RUNX2: variants seen among roughly 807,000 people sequenced by gnomAD.
RUNX2 encodes runt-related transcription factor 2.
RUNX2 carries 10 observed loss-of-function variants against 51.7 expected under a neutral mutation model. The ratio of observed to expected loss-of-function variants is 0.19; its 90% CI spans 0.12 to 0.33. RUNX2 has a LOEUF of 0.33. RUNX2 is among the 10% of genes least tolerant of loss of function. The pLI is 1.00. For missense variants in RUNX2, 562 were observed against 691.3 expected (o/e 0.81, Z 2.10); for synonymous variants, 276 against 273.6 (o/e 1.01, Z -0.09).
chr6:45,481,991 GCAGA>G (rs1431115752), intron 5 of RUNX2, among the ~76,000 whole-genome samples: 2 of 152,190 alleles, frequency 1.3e-5, no homozygotes, highest in African/African-American at 4.8e-5. Flanking sequence ...GAAACAACAG[GCAGA>G]CAAATTTGAG....
chr6:45,462,509 G>C (rs988870251), intron 5 of RUNX2, among the ~76,000 whole-genome samples: 1 of 152,166 alleles, frequency 6.6e-6, no homozygotes, highest in Non-Finnish European at 1.5e-5. Context: ...CAAACCTTAA[G>C]CATGAAATAA....
chr6:45,528,542 A>C (rs1801742722), intron 7 of RUNX2, among the ~76,000 whole-genome samples: 1 of 152,070 alleles, frequency 6.6e-6, no homozygotes, highest in South Asian at 2.1e-4. Flanking sequence ...AATTGTGTGA[A>C]TCCAGGAGGC....
chr6:45,334,315 T>C (rs1788104814), intron 2 of RUNX2, among the ~76,000 whole-genome samples: 2 of 151,178 alleles, frequency 1.3e-5, no homozygotes, highest in Middle Eastern at 3.5e-3. Context: ...ATTTACATAA[T>C]AGACTAAGTT....
At chr6:45,421,375 C>T (rs1447185746) in intron 2 of RUNX2, 1 of 151,918 alleles carries the variant, frequency 6.6e-6, no homozygotes, top group African/African-American at 2.4e-5. Context: ...TTCCTAAAAA[C>T]TATTTTGACT....
chr6:45,333,155 T>C (rs1286286896), intron 2 of RUNX2, among the ~76,000 whole-genome samples: 1 of 151,730 alleles, frequency 6.6e-6, no homozygotes, highest in Non-Finnish European at 1.5e-5. Context: ...TAATGAAATT[T>C]TATGCCTTAA....
At chr6:45,375,642 CA>C (rs1311858231) in intron 2 of RUNX2, among the ~76,000 whole-genome samples, 1 of 152,054 alleles carries the variant, frequency 6.6e-6, no homozygotes, top group Non-Finnish European at 1.5e-5. Flanking sequence ...CTCCTAGGTT[CA>C]AGAGATCCTC....
intron 6 of RUNX2, among the ~76,000 whole-genome samples, chr6:45,504,776 A>G (rs1800908634): frequency 6.6e-6 from 1 of 152,208 alleles, no homozygotes; most frequent in South Asian, 2.1e-4. Flanking sequence ...TGACCCTGGT[A>G]GCAATTAAGA....
chr6:45,533,641 A>C (rs190166798), intron 7 of RUNX2, among the ~76,000 whole-genome samples: 214 of 152,270 alleles, frequency 1.4e-3, no homozygotes, highest in African/African-American at 5.0e-3. Context: ...TTACATAAGG[A>C]GCATTGTCTC....
intron 6 of RUNX2, among the ~76,000 whole-genome samples, chr6:45,504,859 T>G (rs1343674959): frequency 6.6e-6 from 1 of 152,168 alleles, no homozygotes; most frequent in Non-Finnish European, 1.5e-5. Flanking sequence ...TATTTGAGGT[T>G]TACACAGCCT....
intron 2 of RUNX2, among the ~76,000 whole-genome samples, chr6:45,358,556 T>C (rs1793659146): frequency 6.6e-6 from 1 of 152,184 alleles, no homozygotes; most frequent in Admixed American, 6.5e-5. Flanking sequence ...ATGATATTTA[T>C]TTTTTAAAAA....
At chr6:45,530,436 C>T (rs182076375) in intron 7 of RUNX2, among the ~76,000 whole-genome samples, 284 of 152,288 alleles carry the variant, frequency 1.9e-3, no homozygotes, top group African/African-American at 5.1e-3. Flanking sequence ...CTGAGGGAAA[C>T]GGGAAGAACA....
At chr6:45,425,016 G>A (rs1798346025) in intron 3 of RUNX2, among the ~76,000 whole-genome samples, 1 of 152,172 alleles carries the variant, frequency 6.6e-6, no homozygotes, top group East Asian at 1.9e-4. Flanking sequence ...TATGAGAATG[G>A]AAATTTGTTT....
intron 5 of RUNX2, among the ~76,000 whole-genome samples, chr6:45,453,284 CTGT>C (rs1799226458): frequency 6.6e-6 from 1 of 152,122 alleles, no homozygotes; most frequent in South Asian, 2.1e-4. Flanking sequence ...TGGTTTCCTC[CTGT>C]TGTTTATCTT....
intron 5 of RUNX2, among the ~76,000 whole-genome samples, chr6:45,455,175 G>A (rs901081429): frequency 1.3e-5 from 2 of 152,148 alleles, no homozygotes; most frequent in African/African-American, 4.8e-5. Flanking sequence ...CCAGGCTGTT[G>A]GAAAGCTCGT....
chr6:45,355,315 C>T (rs1167511688), intron 2 of RUNX2, among the ~76,000 whole-genome samples: 1 of 151,954 alleles, frequency 6.6e-6, no homozygotes, highest in Non-Finnish European at 1.5e-5. Context: ...TAATTATGAA[C>T]TTTCTGTATT....
intron 2 of RUNX2, among the ~76,000 whole-genome samples, chr6:45,394,138 G>A (rs1358341178): frequency 3.3e-5 from 5 of 151,688 alleles, no homozygotes; most frequent in Non-Finnish European, 5.9e-5. Context: ...GTCGTGATCC[G>A]CCCTCCTCGT....
intron 2 of RUNX2, among the ~76,000 whole-genome samples, chr6:45,358,868 T>C (rs28605113): frequency 2.0e-5 from 3 of 152,176 alleles, no homozygotes; most frequent in Non-Finnish European, 4.4e-5. Flanking sequence ...AATTACAGCA[T>C]GGATCTACCA....
At chr6:45,480,745 T>A (rs745690131) in intron 5 of RUNX2, among the ~76,000 whole-genome samples, 5 of 152,234 alleles carry the variant, frequency 3.3e-5, no homozygotes, top group Non-Finnish European at 4.4e-5. Context: ...TTCTTCTTCA[T>A]TCCTTTAAAA....
intron 3 of RUNX2, among the ~76,000 whole-genome samples, chr6:45,430,157 T>A (rs1467402578): frequency 6.6e-6 from 1 of 151,998 alleles, no homozygotes. Flanking sequence ...GCAGGGTTGA[T>A]AAGTGGTGAA....
Sources: allele counts gnomAD v4.1 joint callset (sites outside exome capture counted in the v4.1 genomes callset), GRCh38; gene constraint gnomAD v4.1.1; transcripts MANE v1.5; gene names NCBI Gene and HGNC (gene_info 2026-07-23, HGNC 2026-07-21).